The following SARDH variants were observed in gnomAD, a reference collection of about 807,000 sequenced individuals.
SARDH encodes the protein sarcosine dehydrogenase, mitochondrial.
SARDH carries 95 observed loss-of-function variants against 109.1 expected under a neutral mutation model. The ratio of observed to expected loss-of-function variants is 0.87; its 90% CI spans 0.74 to 1.03. SARDH has a LOEUF of 1.03. Among genes scored for constraint, SARDH ranks in the 50% least tolerant of loss-of-function variants. SARDH has a pLI of 0.00. For missense variants in SARDH, 1,267 were observed against 1,287.8 expected, an observed-to-expected ratio of 0.98 and a Z score of 0.25; for synonymous variants, 572 against 534.8, an observed-to-expected ratio of 1.07 and a Z score of -0.96.
chr9:133,667,681 C>T (rs572450134), intron 19 of SARDH, among the ~76,000 whole-genome samples: 4 of 152,076 alleles, frequency 2.6e-5, no homozygotes, highest in East Asian at 3.9e-4. Context: ...GTTATCACGG[C>T]GGCAGCTATG....
At chr9:133,738,360 C>T (rs1832952841), upstream of SARDH, 1 of 152,072 alleles carries the variant, frequency 6.6e-6, no homozygotes, top group Admixed American at 6.5e-5. Flanking sequence ...TCCAGGCCTC[C>T]CCCGCCCCCC....
At chr9:133,732,901 C>T (rs954246003) in intron 2 of SARDH, among the ~76,000 whole-genome samples, 3 of 152,164 alleles carry the variant, frequency 2.0e-5, no homozygotes, top group South Asian at 2.1e-4. Context: ...ATGAGGAGGG[C>T]GTGATTCTCT....
In SARDH at chr9:133,674,761, G is replaced by A. The variant is rs117995132; in HGVS notation, c.2164-3064C>T. ...ACTAGACATGGAACAAAGACACAAG[G>A]GTAAGATCTGTAGCTGTACAACCTC... On this transcript the variant is annotated intron_variant, in intron 17 of 20. Transcript: ENST00000439388. 4.9e-3 allele frequency among the ~76,000 whole-genome samples: 750 copies of A among 152,290 alleles called. 6 individuals are homozygous for A. Among genetic ancestry groups the A allele is most frequent in the Middle Eastern group, 0.017 (5 of 294 alleles).
chr9:133,694,708 C>T (rs1196217241), intron 14 of SARDH, among the ~76,000 whole-genome samples: 2 of 152,244 alleles, frequency 1.3e-5, no homozygotes, highest in Non-Finnish European at 2.9e-5. Context: ...GATTCATGCC[C>T]CCCGTTCATT....
chr9:133,665,071 T>C (rs1236379433), intron 20 of SARDH, among the ~76,000 whole-genome samples: 1 of 150,934 alleles, frequency 6.6e-6, no homozygotes, highest in African/African-American at 2.4e-5. Flanking sequence ...TGGGGTGAGG[T>C]GGGTGTGACT....
chr9:133,681,735 C>T (rs147126841), intron 17 of SARDH, among the ~76,000 whole-genome samples: 3 of 152,192 alleles, frequency 2.0e-5, no homozygotes, highest in Non-Finnish European at 2.9e-5. Context: ...AGTGGCCCTA[C>T]GTGAGCTGAC....
chr9:133,703,357 T>A, intron 12 of SARDH: 1 of 358,428 alleles, frequency 2.8e-6, no homozygotes, highest in Middle Eastern at 8.4e-4. Flanking sequence ...GGCTGCTCCC[T>A]GGAGCCACGG....
intron 17 of SARDH, among the ~76,000 whole-genome samples, chr9:133,672,077 G>A (rs1830369742): frequency 6.6e-6 from 1 of 152,176 alleles, no homozygotes; most frequent in Admixed American, 6.5e-5. Flanking sequence ...CACCATGTGG[G>A]CAAGCCACGC....
chr9:133,692,232 G>A lies in SARDH; in HGVS notation c.1922-1705C>T, dbSNP rs78251732. 5.5e-3 allele frequency among the ~76,000 whole-genome samples: 839 copies of A among 152,232 alleles called. 6 individuals carry two copies. Among genetic ancestry groups the A allele is most frequent in the African/African-American group, 0.019 (806 of 41,530 alleles). On this transcript the variant is annotated intron_variant, in intron 15 of 20. Coordinates refer to ENST00000439388, the MANE Select transcript of SARDH (RefSeq NM_001134707.2). The surrounding 1 kb of genome is among the most constrained non-coding windows in gnomAD (Gnocchi z 5.0). ...AAACTGAGGCTCGGGGGGGCAGGTCGCTGAGCCAGGTAGTGGCAGGACCTG... is the reference window on the plus strand; with the variant it reads ...AAACTGAGGCTCGGGGGGGCAGGTCACTGAGCCAGGTAGTGGCAGGACCTG...
intron 8 of SARDH, 121 bp from the exon 9 acceptor site, chr9:133,713,245 C>A: frequency 1.3e-6 from 1 of 765,266 alleles, no homozygotes; most frequent in Non-Finnish European, 2.1e-6. Context: ...CAACCCCCTC[C>A]CTCCTCTAGG....
intron 20 of SARDH, among the ~76,000 whole-genome samples, chr9:133,664,995 T>C (rs2131309259): frequency 6.6e-6 from 1 of 152,260 alleles, no homozygotes; most frequent in Non-Finnish European, 1.5e-5. Flanking sequence ...TGAGCAGGTT[T>C]CCCTATCTTA....
In SARDH at chr9:133,733,992, C is replaced by T. The variant is rs147399332; in HGVS notation, c.182G>A (p.Arg61Gln). The change falls in exon 2 of 21, where the codon CGG becomes CAG. Residue 61 changes from arginine (R) to glutamine (Q), a missense_variant. Arg to Gln is a conservative substitution (Grantham distance 43). Coordinates refer to ENST00000439388, the MANE Select transcript of SARDH (RefSeq NM_001134707.2). ...CACGTTGGCCGTGCTGGGCAGGGGC[C>T]GGCTTGGGCCTTGGGCCACCACCGA... ...GTSVVAQGPS[R>Q]PLPSTANVVV... The T allele has an allele frequency of 7.2e-4, 1,163 of 1,612,688 alleles. 3 individuals carry two copies. In the African/African-American group the frequency reaches 0.012, roughly 17 times the overall value.
rs1371840120 is a variant in SARDH at position 133,666,535 on chromosome 9, CCT to C, written c.2631+198_2631+199del. 9.3e-5 allele frequency among the ~76,000 whole-genome samples: 14 copies of C among 151,120 alleles called. No individual in the cohort carries two copies. The highest frequency in any genetic ancestry group is 1.9e-4 in the Non-Finnish European group (13 of 67,720). On this transcript the variant is annotated intron_variant, in intron 20 of 20. Coordinates refer to ENST00000439388, the MANE Select transcript of SARDH (RefSeq NM_001134707.2). The surrounding 1 kb of genome is among the most constrained non-coding windows in gnomAD (Gnocchi z 5.2). Reference sequence around the variant, plus strand: ...CCTCCTCCTCCTCCTTCCTCTCTCCCCTTTTTCCTTCCCCCTCCTTCTCCTCC... The same window carrying C: ...CCTCCTCCTCCTCCTTCCTCTCTCCCTTTTCCTTCCCCCTCCTTCTCCTCC...
In SARDH at chr9:133,670,786, C is replaced by T. The variant is rs763443979; in HGVS notation, c.2327-34G>A. The T allele has an allele frequency of 3.3e-6, 5 of 1,531,676 alleles. No homozygotes were observed. In the African/African-American group the frequency reaches 5.6e-5, roughly 17 times the overall value. 94.9% of individuals were successfully genotyped at this position (1,531,676 alleles called of 1,614,324 possible). Reference sequence around the variant, plus strand: ...AGGGAATCCATGGGGTCGGTGCCACCCTGAGGGGGATAAGCCCTTCAGGAG... The same window carrying T: ...AGGGAATCCATGGGGTCGGTGCCACTCTGAGGGGGATAAGCCCTTCAGGAG... On this transcript the variant is annotated intron_variant, in intron 18 of 20. Coordinates refer to ENST00000439388, the MANE Select transcript of SARDH (RefSeq NM_001134707.2).
chr9:133,696,440 G>A, intron 13 of SARDH, 79 bp from the exon 14 acceptor site: 1 of 1,582,682 alleles, frequency 6.3e-7, no homozygotes, highest in Middle Eastern at 1.7e-4. Flanking sequence ...GAGAACGGGG[G>A]CTGTGTCCAA....
Position 133,690,450 on chromosome 9 carries a change from G to A in SARDH, c.1999C>T (p.Gln667Ter). ...WSHITTVLQD[Q>*]KSQCQLIDSS... ...TCGATGAGCTGGCACTGGGACTTCT[G>A]GTCCTGCAGCACGGTGGTGATGTGG... The change falls in exon 16 of 21, where the codon CAG (glutamine) becomes TAG (stop). Residue 667 changes from glutamine to a stop codon, truncating the protein, a stop_gained. Transcript: ENST00000439388. LOFTEE classifies it high-confidence loss of function. 1 of 1,613,016 alleles carries A rather than the reference G, an allele frequency of 6.2e-7. No individual in the cohort carries two copies. The highest frequency in any genetic ancestry group is 1.1e-5 in the South Asian group (1 of 91,084).
intron 8 of SARDH, 56 bp downstream of exon 8, chr9:133,717,270 G>A: frequency 6.2e-7 from 1 of 1,602,342 alleles, no homozygotes. Flanking sequence ...ACTACTAACA[G>A]TCATCAGACC....
At chr9:133,665,489 C>T (rs1830031601) in intron 20 of SARDH, among the ~76,000 whole-genome samples, 3 of 152,228 alleles carry the variant, frequency 2.0e-5, no homozygotes, top group Non-Finnish European at 1.5e-5. Flanking sequence ...TGTATGACAG[C>T]CCTGCATGGT....
At chr9:133,684,487 T>C (rs1009060355) in intron 17 of SARDH, among the ~76,000 whole-genome samples, 2 of 152,190 alleles carry the variant, frequency 1.3e-5, no homozygotes, top group Non-Finnish European at 2.9e-5. Flanking sequence ...TCAAAGCAGA[T>C]GCCAAGATGC....
Sources: gnomAD v4.1 joint callset for allele counts (sites outside exome capture counted in the v4.1 genomes callset) on GRCh38, gnomAD v4.1.1 for gene constraint, Gnocchi (gnomAD v3.1) non-coding constraint, MANE v1.5 for transcripts, NCBI Gene and HGNC (gene_info 2026-07-23, HGNC 2026-07-21) for gene names.